Variants in COL4A1 observed in about 807,000 individuals in gnomAD.
The protein encoded by COL4A1 is collagen alpha-1(IV) chain.
In COL4A1, 40 loss-of-function variants were observed where a neutral mutation model predicts 216.6. The observed-to-expected ratio is 0.18, with a 90% CI of 0.14 to 0.24. The LOEUF (loss-of-function observed/expected upper bound fraction) is 0.24, where lower values mean the gene tolerates loss of function less well. Among genes scored for constraint, COL4A1 ranks in the 10% least tolerant of loss-of-function variants. COL4A1 has a pLI of 1.00. For synonymous variants in COL4A1, 839 were observed against 810.7 expected, an observed-to-expected ratio of 1.03 and a Z score of -0.59; for missense variants, 1,628 against 2,196.8, an observed-to-expected ratio of 0.74 and a Z score of 5.18.
At chr13:110,301,516 C>T (rs1884492596) in intron 1 of COL4A1, among the ~76,000 whole-genome samples, 6 of 152,214 alleles carry the variant, frequency 3.9e-5, no homozygotes, top group Admixed American at 3.9e-4. Context: ...GTATTAGAGA[C>T]TCCAAGCTCA....
At chr13:110,302,856 A>G (rs1229444926) in intron 1 of COL4A1, among the ~76,000 whole-genome samples, 1 of 152,242 alleles carries the variant, frequency 6.6e-6, no homozygotes, top group Non-Finnish European at 1.5e-5. Flanking sequence ...TAGGCATTCT[A>G]TTGTTGCTTG....
At chr13:110,298,041 CCA>C (rs1330023450) in intron 1 of COL4A1, among the ~76,000 whole-genome samples, 1 of 151,550 alleles carries the variant, frequency 6.6e-6, no homozygotes, top group Non-Finnish European at 1.5e-5. Flanking sequence ...AAAAAAAAAT[CCA>C]TATATCATAA....
intron 35 of COL4A1, 31 bp downstream of exon 35, chr13:110,176,595 C>T: frequency 1.2e-6 from 2 of 1,603,230 alleles, no homozygotes; most frequent in Non-Finnish European, 1.7e-6. Flanking sequence ...TGAGCCCTTG[C>T]CACACTGGGG....
chr13:110,186,261 G>T, intron 26 of COL4A1, 124 bp downstream of exon 26: 1 of 1,256,754 alleles, frequency 8.0e-7, no homozygotes, highest in Non-Finnish European at 1.2e-6. Context: ...CCAATTCCTG[G>T]AAGAATCAAA....
chr13:110,150,569 GGTACCAC>G, intron 51 of COL4A1, 125 bp from the exon 52 acceptor site: 1 of 919,576 alleles, frequency 1.1e-6, no homozygotes, highest in Non-Finnish European at 1.7e-6. Context: ...GCCTCAACCT[GGTACCAC>G]CCAGTGAGCA....
chr13:110,163,290 A>G (rs1877170380), intron 47 of COL4A1, among the ~76,000 whole-genome samples, 173 bp downstream of exon 47: 1 of 152,224 alleles, frequency 6.6e-6, no homozygotes, highest in East Asian at 1.9e-4. Flanking sequence ...AGAAAAAAGA[A>G]CACTTCTTCA....
intron 1 of COL4A1, among the ~76,000 whole-genome samples, chr13:110,255,126 G>C (rs1268465859): frequency 6.6e-6 from 1 of 152,236 alleles, no homozygotes; most frequent in Non-Finnish European, 1.5e-5. Flanking sequence ...GTCGGCTTCA[G>C]CCCTGCACAG....
intron 8 of COL4A1, among the ~76,000 whole-genome samples, chr13:110,210,673 A>G (rs1879751589): frequency 6.6e-6 from 1 of 152,234 alleles, no homozygotes; most frequent in Admixed American, 6.5e-5. Context: ...TGGGTTAAAC[A>G]CCAGACCAGA....
intron 4 of COL4A1, among the ~76,000 whole-genome samples, chr13:110,212,988 G>A (rs1313397613): frequency 6.6e-6 from 1 of 152,170 alleles, no homozygotes; most frequent in Non-Finnish European, 1.5e-5. Flanking sequence ...GGAGCTAGAG[G>A]CCATTATTCT....
At chr13:110,166,536 T>C (rs566121548) in intron 44 of COL4A1, among the ~76,000 whole-genome samples, 18 of 152,172 alleles carry the variant, frequency 1.2e-4, no homozygotes, top group Non-Finnish European at 2.6e-4. Flanking sequence ...TATATACACA[T>C]ATATGCACAC....
intron 12 of COL4A1, among the ~76,000 whole-genome samples, 161 bp downstream of exon 12, chr13:110,208,688 A>G (rs1594582639): frequency 6.6e-6 from 1 of 152,334 alleles, no homozygotes; most frequent in Non-Finnish European, 1.5e-5. Flanking sequence ...TAAATTCAAT[A>G]ATGCTGGCAT....
intron 26 of COL4A1, among the ~76,000 whole-genome samples, chr13:110,184,511 G>A (rs759121764): frequency 3.3e-5 from 5 of 152,266 alleles, no homozygotes; most frequent in Middle Eastern, 3.4e-3. Context: ...TTTCTGGGAC[G>A]CTTCTAAACA....
intron 1 of COL4A1, among the ~76,000 whole-genome samples, chr13:110,278,580 G>A (rs1883509858): frequency 6.6e-6 from 1 of 152,080 alleles, no homozygotes; most frequent in African/African-American, 2.4e-5. Context: ...CATCTGCAAA[G>A]TACTATGTAG....
In COL4A1 at chr13:110,162,408, A is replaced by G. The variant is rs758730276; in HGVS notation, c.4284T>C (p.Asp1428=). 1.9e-6 allele frequency: 3 copies of G among 1,614,112 alleles called. No individual in the cohort carries two copies. The African/African-American group carries it at 4.0e-5, about 22-fold the overall frequency. ...GGGGCCCCATGGATCCTGGCAACCCATCGGGGCCTGGTGGACCTGGAAATC... is the reference window on the plus strand; with the variant it reads ...GGGGCCCCATGGATCCTGGCAACCCGTCGGGGCCTGGTGGACCTGGAAATC... The part of the protein sequence containing the change: ...PRGFPGPPGP[D]GLPGSMGPPG... The change falls in exon 48 of 52, where the codon GAT becomes GAC. Residue 1428 remains aspartate (D), a synonymous_variant. Transcript: ENST00000375820.
At chr13:110,296,215 C>A (rs1312898607) in intron 1 of COL4A1, among the ~76,000 whole-genome samples, 1 of 152,226 alleles carries the variant, frequency 6.6e-6, no homozygotes, top group Non-Finnish European at 1.5e-5. Context: ...CGGCAACGTG[C>A]CTTGTTTCAA....
intron 46 of COL4A1, among the ~76,000 whole-genome samples, chr13:110,164,495 G>C (rs1385178262): frequency 6.6e-6 from 1 of 152,178 alleles, no homozygotes; most frequent in Non-Finnish European, 1.5e-5. Context: ...GCGCTCCTGG[G>C]GGCATGGATG....
At chr13:110,248,048 G>A (rs893741884) in intron 1 of COL4A1, among the ~76,000 whole-genome samples, 9 of 152,030 alleles carry the variant, frequency 5.9e-5, no homozygotes, top group Non-Finnish European at 1.2e-4. Flanking sequence ...ACCAAATAGG[G>A]ACATGTGGAG....
intron 1 of COL4A1, among the ~76,000 whole-genome samples, chr13:110,297,038 C>T (rs1213651112): frequency 6.6e-6 from 1 of 152,196 alleles, no homozygotes; most frequent in East Asian, 1.9e-4. Flanking sequence ...GCTCCTCAAG[C>T]CCGTCTTTTT....
At chr13:110,260,653 T>C (rs964697835) in intron 1 of COL4A1, among the ~76,000 whole-genome samples, 8 of 152,166 alleles carry the variant, frequency 5.3e-5, no homozygotes, top group Non-Finnish European at 1.2e-4. Context: ...TAATGGGTAC[T>C]GAGTCTCAGT....
Sources: allele counts gnomAD v4.1 joint callset (sites outside exome capture counted in the v4.1 genomes callset), GRCh38; gene constraint gnomAD v4.1.1; transcripts MANE v1.5; gene names NCBI Gene and HGNC (gene_info 2026-07-23, HGNC 2026-07-21).